QKI: variants seen among roughly 807,000 people sequenced by gnomAD.
QKI encodes QKI, KH domain containing RNA binding.
QKI carries 10 observed loss-of-function variants against 39.0 expected under a neutral mutation model. That is an observed-to-expected ratio of 0.26 (90% CI 0.16 to 0.43). QKI has a LOEUF of 0.43. QKI is among the 20% of genes least tolerant of loss of function. The probability of loss-of-function intolerance (pLI) is 1.00; values close to 1 mark genes in which losing one functional copy is unlikely to be tolerated. For missense variants in QKI, 218 were observed against 428.0 expected, an observed-to-expected ratio of 0.51 and a Z score of 4.33; for synonymous variants, 204 against 155.4, an observed-to-expected ratio of 1.31 and a Z score of -2.33.
intron 2 of QKI, among the ~76,000 whole-genome samples, chr6:163,471,957 G>C (rs1018617260): frequency 6.6e-6 from 1 of 152,076 alleles, no homozygotes; most frequent in Non-Finnish European, 1.5e-5. Flanking sequence ...ATCAGTGTAA[G>C]CTTAATGGCA....
chr6:163,464,513 A>G (rs558292840), intron 2 of QKI, among the ~76,000 whole-genome samples: 1 of 152,194 alleles, frequency 6.6e-6, no homozygotes. Context: ...AGACATTACA[A>G]CTGATACCAT....
intron 3 of QKI, among the ~76,000 whole-genome samples, chr6:163,488,425 T>TA (rs1777823156): frequency 6.6e-6 from 1 of 152,202 alleles, no homozygotes; most frequent in Non-Finnish European, 1.5e-5. Context: ...AGCTGTGAAA[T>TA]ACACACGAAT....
chr6:163,432,344 A>G (rs575559558), intron 1 of QKI, among the ~76,000 whole-genome samples: 6 of 152,160 alleles, frequency 3.9e-5, no homozygotes, highest in Non-Finnish European at 8.8e-5. Flanking sequence ...ATATTTGCCT[A>G]AGGGTTTTCA....
At chr6:163,568,484 G>A (rs1177683188) in intron 7 of QKI, 1 of 985,566 alleles carries the variant, frequency 1.0e-6, no homozygotes, top group Admixed American at 6.1e-5. Flanking sequence ...TGCAGTGTCA[G>A]CAAACCGAAA....
Position 163,571,606 on chromosome 6 carries a change from A to G in QKI, c.*896A>G, listed in dbSNP as rs1181494042. ...TGTAATGAAATTGTAGATAAAGTGT[A>G]GTGCATTGAAACAAATGAACAAAAA... is the stretch of plus-strand genomic sequence containing the variant. On this transcript the variant is annotated 3_prime_UTR_variant, in exon 8 of 8. Coordinates refer to ENST00000361752, the MANE Select transcript of QKI (RefSeq NM_006775.3). 2 of 152,168 alleles carry G rather than the reference A, an allele frequency of 1.3e-5. No homozygotes were observed. Among genetic ancestry groups the G allele is most frequent in the Non-Finnish European group, 2.9e-5 (2 of 68,018 alleles). 9.4% of individuals were successfully genotyped at this position (152,168 alleles called of 1,614,324 possible).
At chr6:163,506,996 AC>A in intron 3 of QKI, among the ~76,000 whole-genome samples, 1 of 152,278 alleles carries the variant, frequency 6.6e-6, no homozygotes, top group South Asian at 2.1e-4. Flanking sequence ...GAACTAGAAG[AC>A]CAACTTGATT....
At position 163,461,715 on chromosome 6, in the gene QKI, T is replaced by A. The variant is rs568005263; in HGVS notation, c.285+6294T>A. On this transcript the variant is annotated intron_variant, in intron 2 of 7. Transcript: ENST00000361752. ...TCCATATTCCAGGAACATTGAGCTG[T>A]TTCTGATAAAGATTAAAGGAAAGCT... is the stretch of plus-strand genomic sequence containing the variant. Among the ~76,000 whole-genome samples the A allele has an allele frequency of 3.3e-4, 51 of 152,318 alleles. No individual in the cohort carries two copies. In the South Asian group the frequency reaches 0.01, roughly 30 times the overall value.
chr6:163,526,703 A>G (rs1057265936), intron 3 of QKI, among the ~76,000 whole-genome samples: 1 of 152,194 alleles, frequency 6.6e-6, no homozygotes, highest in African/African-American at 2.4e-5. Context: ...CTCAGCCTTA[A>G]CTATGTTTCA....
chr6:163,540,727 AG>A (rs1237712568), intron 4 of QKI, among the ~76,000 whole-genome samples: 1 of 152,120 alleles, frequency 6.6e-6, no homozygotes, highest in African/African-American at 2.4e-5. Context: ...ACACCAGTTT[AG>A]TTTCAGATGT....
chr6:163,515,799 T>C, intron 3 of QKI, among the ~76,000 whole-genome samples: 1 of 152,182 alleles, frequency 6.6e-6, no homozygotes, highest in East Asian at 1.9e-4. Flanking sequence ...ATTTGACTTT[T>C]TCTGGCATAG....
intron 1 of QKI, among the ~76,000 whole-genome samples, chr6:163,442,174 T>A (rs887069837): frequency 4.0e-5 from 6 of 150,680 alleles, no homozygotes; most frequent in African/African-American, 1.5e-4. Context: ...AACAGACATT[T>A]AAAAGATTGC....
Position 163,503,163 on chromosome 6 carries a change from GA to G in QKI, c.402+24269del, listed in dbSNP as rs1169301471. Among the ~76,000 whole-genome samples the G allele has an allele frequency of 8.9e-5, 9 of 101,408 alleles. No individual in the cohort carries two copies. In the East Asian group the frequency reaches 2.5e-3, roughly 29 times the overall value. 66.5% of individuals were successfully genotyped at this position (101,408 alleles called of 152,430 possible). ...TTTTTTTTTTTTTTTTTTTTTTTGA[GA>G]AGACACTTCTCAAAAGAAATGAGAT... is the stretch of plus-strand genomic sequence containing the variant. On this transcript the variant is annotated intron_variant, in intron 3 of 7. Transcript: ENST00000361752.
chr6:163,452,577 A>T (rs979854881), intron 1 of QKI, among the ~76,000 whole-genome samples: 7 of 152,182 alleles, frequency 4.6e-5, no homozygotes, highest in African/African-American at 1.7e-4. Flanking sequence ...GGACCTGCGG[A>T]CACACTGGGT....
chr6:163,481,189 T>C (rs780129623), intron 3 of QKI, among the ~76,000 whole-genome samples: 9 of 152,212 alleles, frequency 5.9e-5, no homozygotes, highest in Non-Finnish European at 4.4e-5. Context: ...GGAAAAGCCA[T>C]TTGCTTTAAA....
At chr6:163,515,932 C>G (rs963964558) in intron 3 of QKI, among the ~76,000 whole-genome samples, 1 of 152,198 alleles carries the variant, frequency 6.6e-6, no homozygotes, top group South Asian at 2.1e-4. Flanking sequence ...GTGGTATAAG[C>G]TGATTATTTA....
rs376497609 is a variant in QKI, at chr6:163,574,329, T to G, written c.*3619T>G. 1.1e-4 allele frequency: 16 copies of G among 152,348 alleles called. No homozygotes were observed. The highest frequency in any genetic ancestry group is 3.8e-4 in the African/African-American group (16 of 41,588). 9.4% of individuals were successfully genotyped at this position (152,348 alleles called of 1,614,324 possible). A position where few individuals can be genotyped will look rare whatever the true frequency, so the allele number is the denominator to read the frequency against. ...CCTTTATTTAGATTTTTGTTTTAACTTGACCTTTTTCCTTTGGAAAGCGTT... is the reference window on the plus strand; with the variant it reads ...CCTTTATTTAGATTTTTGTTTTAACGTGACCTTTTTCCTTTGGAAAGCGTT... On this transcript the variant is annotated 3_prime_UTR_variant, in exon 8 of 8. Transcript: ENST00000361752.
At chr6:163,518,430 A>G (rs557529842) in intron 3 of QKI, among the ~76,000 whole-genome samples, 3 of 152,218 alleles carry the variant, frequency 2.0e-5, no homozygotes, top group Admixed American at 1.3e-4. Flanking sequence ...TTTTACATAG[A>G]TACTGTTTTT....
intron 3 of QKI, among the ~76,000 whole-genome samples, chr6:163,502,045 G>A (rs569629003): frequency 5.3e-5 from 8 of 152,142 alleles, no homozygotes; most frequent in South Asian, 2.1e-4. Flanking sequence ...TATTCTTGCC[G>A]GGCATGGTGC....
At chr6:163,566,432 TA>T in intron 6 of QKI, 1 of 1,264,784 alleles carries the variant, frequency 7.9e-7, no homozygotes, top group African/African-American at 1.5e-5. Context: ...TAGTAAAGCT[TA>T]AATATGTTTG....
Sources: gnomAD v4.1 joint callset for allele counts (sites outside exome capture counted in the v4.1 genomes callset) on GRCh38, gnomAD v4.1.1 for gene constraint, MANE v1.5 for transcripts, NCBI Gene and HGNC (gene_info 2026-07-23, HGNC 2026-07-21) for gene names.